Variants in CCSER1 observed in about 807,000 individuals in gnomAD.
CCSER1 encodes the protein serine-rich coiled-coil domain-containing protein 1.
CCSER1 carries 41 observed loss-of-function variants against 82.0 expected under a neutral mutation model. That is an observed-to-expected ratio of 0.50 (90% CI 0.39 to 0.65). CCSER1 has a LOEUF of 0.65. Ranked by LOEUF, CCSER1 falls within the 30% of genes least tolerant of loss-of-function variation. The pLI, the probability that CCSER1 is intolerant of heterozygous loss-of-function variation, is 0.00. For synonymous variants in CCSER1, 414 were observed against 383.9 expected, an observed-to-expected ratio of 1.08 and a Z score of -0.92; for missense variants, 1,119 against 1,064.2, an observed-to-expected ratio of 1.05 and a Z score of -0.72.
chr4:90,944,185 T>C (rs1037384764), intron 9 of CCSER1, among the ~76,000 whole-genome samples: 1 of 144,276 alleles, frequency 6.9e-6, no homozygotes, highest in African/African-American at 2.6e-5. Context: ...TGAGCTGAGA[T>C]GACGCCACTG....
chr4:90,934,036 T>C (rs1730615614), intron 9 of CCSER1, among the ~76,000 whole-genome samples: 1 of 151,780 alleles, frequency 6.6e-6, no homozygotes, highest in Non-Finnish European at 1.5e-5. Context: ...TCTCTAGAAG[T>C]TTAACCTGAA....
chr4:90,262,603 A>G (rs1279115947), intron 1 of CCSER1, among the ~76,000 whole-genome samples: 1 of 152,182 alleles, frequency 6.6e-6, no homozygotes, highest in African/African-American at 2.4e-5. Context: ...AGTTGTTGCT[A>G]AAGCCAGTGG....
intron 10 of CCSER1, among the ~76,000 whole-genome samples, chr4:91,387,764 CATACTGTAA>C (rs1406083471): frequency 6.6e-6 from 1 of 152,056 alleles, no homozygotes; most frequent in East Asian, 1.9e-4. Context: ...GAGATAAGAA[CATACTGTAA>C]ATGTTCAGAG....
chr4:90,593,817 A>T (rs916521841), intron 5 of CCSER1, among the ~76,000 whole-genome samples: 4 of 151,946 alleles, frequency 2.6e-5, no homozygotes, highest in Admixed American at 6.6e-5. Flanking sequence ...ATTTCTTCTT[A>T]TTGTACTTTC....
At chr4:90,154,595 A>G (rs369734571) in intron 1 of CCSER1, among the ~76,000 whole-genome samples, 16 of 145,038 alleles carry the variant, frequency 1.1e-4, no homozygotes, top group African/African-American at 3.6e-4. Context: ...GGTCCTTCAC[A>G]TCCCTTGTAA....
chr4:91,365,439 T>C (rs1461449441), intron 10 of CCSER1, among the ~76,000 whole-genome samples: 2 of 152,130 alleles, frequency 1.3e-5, no homozygotes, highest in African/African-American at 4.8e-5. Flanking sequence ...TTTTAGAGCA[T>C]AATGTGCAAA....
chr4:91,187,230 C>T (rs1443999805), intron 10 of CCSER1, among the ~76,000 whole-genome samples: 6 of 152,322 alleles, frequency 3.9e-5, no homozygotes, highest in East Asian at 1.9e-4. Context: ...CCCACTTCTG[C>T]GTTGCTCACA....
At chr4:91,563,731 A>G (rs1762762382) in intron 10 of CCSER1, among the ~76,000 whole-genome samples, 1 of 151,750 alleles carries the variant, frequency 6.6e-6, no homozygotes, top group Non-Finnish European at 1.5e-5. Context: ...AATAAAAGAC[A>G]TCCAAATCAG....
intron 9 of CCSER1, among the ~76,000 whole-genome samples, chr4:91,047,085 A>C (rs1404229060): frequency 6.6e-6 from 1 of 152,024 alleles, no homozygotes; most frequent in Admixed American, 6.6e-5. Flanking sequence ...ATTCCCCCCA[A>C]CCCCCTCGCA....
chr4:90,422,088 C>T (rs1756781684), intron 4 of CCSER1, among the ~76,000 whole-genome samples: 1 of 152,150 alleles, frequency 6.6e-6, no homozygotes, highest in African/African-American at 2.4e-5. Context: ...GGCTCATTAT[C>T]TCAAATGTCC....
chr4:91,303,596 G>A (rs1744829631), intron 10 of CCSER1, among the ~76,000 whole-genome samples: 1 of 151,676 alleles, frequency 6.6e-6, no homozygotes. Context: ...GACCGGCCTT[G>A]GCAACATAGC....
chr4:90,391,468 ATATATATATATATATAT>A (rs1751075512), intron 3 of CCSER1, among the ~76,000 whole-genome samples: 1 of 93,756 alleles, frequency 1.1e-5, no homozygotes, highest in Admixed American at 1.1e-4. Flanking sequence ...ATATATATAT[ATATATATATATATATAT>A]ACACACACAC....
chr4:90,514,686 G>A (rs892895146), intron 5 of CCSER1, among the ~76,000 whole-genome samples: 2 of 151,978 alleles, frequency 1.3e-5, no homozygotes, highest in African/African-American at 2.4e-5. Flanking sequence ...AACGCAGGAG[G>A]CGGAGGTTAC....
At chr4:90,487,270 C>T (rs768218408) in intron 5 of CCSER1, among the ~76,000 whole-genome samples, 2 of 152,154 alleles carry the variant, frequency 1.3e-5, no homozygotes, top group Non-Finnish European at 2.9e-5. Context: ...TCAACACAGC[C>T]AGAATTCCTG....
chr4:91,170,253 C>T (rs1056786495), intron 10 of CCSER1, among the ~76,000 whole-genome samples: 3 of 152,140 alleles, frequency 2.0e-5, no homozygotes, highest in Admixed American at 6.5e-5. Context: ...TTTGTTACAT[C>T]AAGACAAACC....
chr4:91,533,691 T>C (rs748574541), intron 10 of CCSER1, among the ~76,000 whole-genome samples: 1 of 152,062 alleles, frequency 6.6e-6, no homozygotes, highest in Non-Finnish European at 1.5e-5. Context: ...TTTGATTTAA[T>C]GCAGTTGAGT....
chr4:90,781,705 G>T (rs1326163502), intron 7 of CCSER1: 12 of 970,518 alleles, frequency 1.2e-5, no homozygotes, highest in Non-Finnish European at 1.5e-5. Context: ...AAAAATATCT[G>T]CAATTTTCCC....
intron 10 of CCSER1, among the ~76,000 whole-genome samples, chr4:91,095,257 C>G (rs1007242733): frequency 1.3e-5 from 2 of 152,150 alleles, no homozygotes; most frequent in African/African-American, 4.8e-5. Flanking sequence ...TGTGCGTCAC[C>G]TTGCTTCTCC....
At chr4:91,116,443 C>T (rs1404661514) in intron 10 of CCSER1, among the ~76,000 whole-genome samples, 1 of 152,108 alleles carries the variant, frequency 6.6e-6, no homozygotes, top group Admixed American at 6.6e-5. Context: ...GCGAACAAAT[C>T]CCTGCTAGGT....
Sources: gnomAD v4.1 joint callset for allele counts (sites outside exome capture counted in the v4.1 genomes callset) on GRCh38, gnomAD v4.1.1 for gene constraint, MANE v1.5 for transcripts, NCBI Gene and HGNC (gene_info 2026-07-23, HGNC 2026-07-21) for gene names.